Variants in ELF1 observed in about 807,000 individuals in gnomAD.
ELF1 encodes E74 like ETS transcription factor 1, also known as ETS-related transcription factor Elf-1.
In ELF1, 24 loss-of-function variants were observed where a neutral mutation model predicts 59.9. The ratio of observed to expected loss-of-function variants is 0.40; its 90% CI spans 0.29 to 0.56. The LOEUF is 0.56. Ranked by LOEUF, ELF1 falls within the 20% of genes least tolerant of loss-of-function variation. The pLI is 0.44. For missense variants in ELF1, 627 were observed against 742.2 expected (o/e 0.84, Z 1.80); for synonymous variants, 248 against 266.2 (o/e 0.93, Z 0.67).
intron 3 of ELF1, 109 bp from the exon 4 acceptor site, chr13:40,951,545 TTATATATA>T (rs374353098): frequency 2.9e-6 from 2 of 697,458 alleles, no homozygotes; most frequent in Non-Finnish European, 4.5e-6. Flanking sequence ...ATATTTTAGT[TTATATATA>T]TATATAAACT....
intron 2 of ELF1, among the ~76,000 whole-genome samples, chr13:40,975,852 T>C (rs182279259): frequency 1.8e-4 from 27 of 152,086 alleles, no homozygotes; most frequent in African/African-American, 6.0e-4. Context: ...CAACAGATTT[T>C]AAAAAGAAAA....
At chr13:41,060,859 G>C (rs1247618889) in exon 1 of ELF1, 1 of 325,538 alleles carries the variant, frequency 3.1e-6, no homozygotes, top group African/African-American at 2.3e-5. Context: ...AAGTGCCTCT[G>C]CCTCCTTCGC....
In ELF1 at chr13:41,042,151, T is replaced by C. The variant is rs142644341; in HGVS notation, c.-229+18687A>G. Among the ~76,000 whole-genome samples, 416 of 152,170 alleles carry C rather than the reference T, an allele frequency of 2.7e-3. 8 individuals carry two copies. In the East Asian group the frequency reaches 0.049, roughly 18 times the overall value. ...GATCCTCCTACCTGAGCCTCCTGAG[T>C]ACCTAGGATTACAGCTGCATGCCAC... On this transcript the variant is annotated intron_variant, in intron 1 of 1. Transcript: ENST00000405737.
At chr13:40,935,522 TAA>T (rs1377305073) in intron 8 of ELF1, among the ~76,000 whole-genome samples, 1 of 152,146 alleles carries the variant, frequency 6.6e-6, no homozygotes, top group Non-Finnish European at 1.5e-5. Context: ...GAAGTGGGAA[TAA>T]AGACACAGGA....
chr13:41,046,441 T>A (rs1438973157), intron 1 of ELF1, among the ~76,000 whole-genome samples: 2 of 152,238 alleles, frequency 1.3e-5, no homozygotes, highest in Non-Finnish European at 2.9e-5. Context: ...CCTTTCCATG[T>A]TTAGTGCTTC....
chr13:41,037,538 T>C lies in ELF1; in HGVS notation c.-229+23300A>G, dbSNP rs369596820. ...GAGGCTGGGCACGGTGGCTCATGCC[T>C]GTAATCCCAGCACTTTGGGAGACCG... On this transcript the variant is annotated intron_variant, in intron 1 of 1. Coordinates refer to the ELF1 transcript ENST00000405737. Among the ~76,000 whole-genome samples the C allele has an allele frequency of 5.3e-4, 81 of 152,352 alleles. 1 individual carries two copies. In the South Asian group the frequency reaches 0.017, roughly 31 times the overall value.
rs186276574 is a variant in ELF1 at position 41,037,511 on chromosome 13, T to C, written c.-229+23327A>G. Among the ~76,000 whole-genome samples the C allele has an allele frequency of 8.5e-5, 13 of 152,286 alleles. No individual in the cohort carries two copies. In the East Asian group the frequency reaches 2.5e-3, roughly 29 times the overall value. ...AATATTTTGAACTTTAGAAATTAGT[T>C]TGAGGCTGGGCACGGTGGCTCATGC... is the stretch of plus-strand genomic sequence containing the variant. On this transcript the variant is annotated intron_variant, in intron 1 of 1. Transcript: ENST00000405737.
chr13:41,053,979 G>C (rs1877194327), intron 1 of ELF1, among the ~76,000 whole-genome samples: 1 of 152,100 alleles, frequency 6.6e-6, no homozygotes, highest in Non-Finnish European at 1.5e-5. Flanking sequence ...AGCCAAAAAA[G>C]GGTGTGGGGG....
chr13:40,962,537 T>C (rs1871898883), intron 2 of ELF1, among the ~76,000 whole-genome samples: 1 of 151,592 alleles, frequency 6.6e-6, no homozygotes, highest in African/African-American at 2.4e-5. Flanking sequence ...ATACAAAAAA[T>C]GAGCCAGTCA....
At chr13:40,978,216 A>C (rs544455849) in intron 2 of ELF1, among the ~76,000 whole-genome samples, 1 of 152,144 alleles carries the variant, frequency 6.6e-6, no homozygotes, top group South Asian at 2.1e-4. Context: ...TGTCTTTACT[A>C]AAAATACAAA....
intron 1 of ELF1, among the ~76,000 whole-genome samples, chr13:41,057,642 G>C (rs1441640025): frequency 6.6e-6 from 1 of 152,078 alleles, no homozygotes; most frequent in African/African-American, 2.4e-5. Flanking sequence ...AAAGTGCTAG[G>C]ATTACAAGCA....
chr13:40,943,725 G>A, intron 6 of ELF1, 117 bp downstream of exon 6: 1 of 729,322 alleles, frequency 1.4e-6, no homozygotes, highest in Non-Finnish European at 2.0e-6. Flanking sequence ...ATAAGCATGT[G>A]GCAGCAATAA....
At chr13:40,937,674 T>G (rs1248798264) in intron 8 of ELF1, among the ~76,000 whole-genome samples, 2 of 152,192 alleles carry the variant, frequency 1.3e-5, no homozygotes, top group Non-Finnish European at 2.9e-5. Context: ...TTTCACCATG[T>G]TGGGAAGGCT....
At chr13:40,969,982 T>C (rs1230668941) in intron 2 of ELF1, among the ~76,000 whole-genome samples, 4 of 152,196 alleles carry the variant, frequency 2.6e-5, no homozygotes, top group African/African-American at 4.8e-5. Context: ...CATGTGGGGA[T>C]TGTTCCCTGG....
At chr13:40,957,769 A>G (rs1021630148) in intron 3 of ELF1, among the ~76,000 whole-genome samples, 2 of 152,214 alleles carry the variant, frequency 1.3e-5, no homozygotes, top group Non-Finnish European at 2.9e-5. Context: ...AACAGAGGAC[A>G]ACACAAAGAT....
chr13:40,977,996 T>A, intron 2 of ELF1, among the ~76,000 whole-genome samples: 1 of 151,382 alleles, frequency 6.6e-6, no homozygotes, highest in African/African-American at 2.4e-5. Flanking sequence ...TTTGTGGGAG[T>A]GGGGGAAGAA....
At chr13:41,047,364 G>A (rs1388405502) in intron 1 of ELF1, among the ~76,000 whole-genome samples, 2 of 152,208 alleles carry the variant, frequency 1.3e-5, no homozygotes, top group East Asian at 3.8e-4. Context: ...CTGATTTTTA[G>A]AATTCTTGGT....
At chr13:40,944,481 C>T (rs140973096) in intron 5 of ELF1, among the ~76,000 whole-genome samples, 3 of 152,264 alleles carry the variant, frequency 2.0e-5, no homozygotes, top group South Asian at 2.1e-4. Context: ...TAGTTAAATG[C>T]TATCCTCCTG....
rs543022127 is a variant in ELF1, at chr13:40,939,799, G to A, written c.1256+1122C>T. 9.9e-5 allele frequency among the ~76,000 whole-genome samples: 15 copies of A among 152,222 alleles called. No homozygotes were observed. The South Asian group carries it at 1.0e-3, about 11-fold the overall frequency. Reference sequence around the variant, plus strand: ...AGTATAATGCAACGATTCAAAATCCGAAACAATTCTAAATCCAAAATATTT... The same window carrying A: ...AGTATAATGCAACGATTCAAAATCCAAAACAATTCTAAATCCAAAATATTT... On this transcript the variant is annotated intron_variant, in intron 8 of 8. Coordinates refer to ENST00000239882, the MANE Select transcript of ELF1 (RefSeq NM_172373.4).
Sources: allele counts gnomAD v4.1 joint callset (sites outside exome capture counted in the v4.1 genomes callset), GRCh38; gene constraint gnomAD v4.1.1; transcripts MANE v1.5; gene names NCBI Gene and HGNC (gene_info 2026-07-23, HGNC 2026-07-21).